Variants in BANK1 observed in about 807,000 individuals in gnomAD.
BANK1 encodes the protein B cell scaffold protein with ankyrin repeats 1, also known as B-cell scaffold protein with ankyrin repeats.
BANK1 carries 95 observed loss-of-function variants against 94.5 expected under a neutral mutation model. The ratio of observed to expected loss-of-function variants is 1.00; its 90% confidence interval spans 0.85 to 1.19. The LOEUF (loss-of-function observed/expected upper bound fraction) is 1.19, where lower values mean the gene tolerates loss of function less well. Among genes scored for constraint, BANK1 ranks in the 50% most tolerant of loss-of-function variants. The pLI is 0.00. For synonymous variants in BANK1, 334 were observed against 308.4 expected (o/e 1.08, Z -0.87); for missense variants, 987 against 932.2 (o/e 1.06, Z -0.77).
chr4:101,794,918 C>T (rs1188093226), intron 1 of BANK1, among the ~76,000 whole-genome samples: 1 of 151,994 alleles, frequency 6.6e-6, no homozygotes, highest in African/African-American at 2.4e-5. Context: ...TGTGTCATAT[C>T]TTTGTTTCTT....
chr4:101,989,822 A>C (rs1560670624), intron 7 of BANK1, among the ~76,000 whole-genome samples: 1 of 152,196 alleles, frequency 6.6e-6, no homozygotes, highest in Admixed American at 6.5e-5. Flanking sequence ...ATCAAGAGAC[A>C]TGATGTTGTT....
rs1233103478 is a variant in BANK1, at chr4:101,830,051, T to G, written c.314T>G (p.Leu105Arg). 4 of 1,613,888 alleles carry G rather than the reference T, an allele frequency of 2.5e-6. No homozygotes were observed. Among genetic ancestry groups the G allele is most frequent in the Admixed American group, 1.7e-5 (1 of 59,992 alleles). ...PKKCQFLEKI[L>R]HSPKSVVTLL... ...AAATGTCAGTTTCTGGAAAAGATAC[T>G]TCATTCACCAAAAAGTGTAGTTACT... The change falls in exon 2 of 17, where the codon CTT (leucine) becomes CGT (arginine). Residue 105 changes from leucine to arginine, a missense_variant. By Grantham distance (102) the Leu-to-Arg change is moderately radical (BLOSUM62 -2). Coordinates refer to ENST00000322953, the MANE Select transcript of BANK1 (RefSeq NM_017935.5).
At chr4:101,878,146 C>G (rs1374709430) in intron 5 of BANK1, among the ~76,000 whole-genome samples, 1 of 151,734 alleles carries the variant, frequency 6.6e-6, no homozygotes, top group Non-Finnish European at 1.5e-5. Context: ...ACTCTTCAAT[C>G]AAAAGACAGA....
intron 7 of BANK1, among the ~76,000 whole-genome samples, chr4:101,941,965 A>C (rs1407988891): frequency 6.6e-6 from 1 of 151,844 alleles, no homozygotes; most frequent in African/African-American, 2.4e-5. Context: ...ATAGAACAGT[A>C]GAGCACATTT....
chr4:101,941,616 ACAT>A (rs982391578), intron 7 of BANK1, among the ~76,000 whole-genome samples: 6 of 151,786 alleles, frequency 4.0e-5, no homozygotes, highest in African/African-American at 1.5e-4. Flanking sequence ...CCAGAGGCTG[ACAT>A]CATTCGTCAG....
intron 1 of BANK1, among the ~76,000 whole-genome samples, chr4:101,809,707 A>G (rs138860752): frequency 2.6e-5 from 4 of 152,368 alleles, no homozygotes; most frequent in Non-Finnish European, 5.9e-5. Context: ...CAATGATCAT[A>G]TAAGCCACTT....
At chr4:101,826,653 C>G (rs553614916) in intron 1 of BANK1, among the ~76,000 whole-genome samples, 5 of 151,794 alleles carry the variant, frequency 3.3e-5, no homozygotes, top group Non-Finnish European at 7.4e-5. Flanking sequence ...ATTTAGCATC[C>G]AGGCTAGATG....
intron 7 of BANK1, among the ~76,000 whole-genome samples, chr4:102,002,280 C>A: frequency 6.6e-6 from 1 of 151,668 alleles, no homozygotes; most frequent in East Asian, 1.9e-4. Context: ...AGAAAGGCTT[C>A]GTTTTTAAAT....
At chr4:101,834,533 G>A (rs913495067) in intron 2 of BANK1, among the ~76,000 whole-genome samples, 2 of 152,146 alleles carry the variant, frequency 1.3e-5, no homozygotes, top group African/African-American at 2.4e-5. Context: ...TCTATTTGCT[G>A]TAGTCTATGC....
chr4:101,929,859 T>TA, intron 7 of BANK1, among the ~76,000 whole-genome samples: 1 of 151,410 alleles, frequency 6.6e-6, no homozygotes, highest in South Asian at 2.1e-4. Context: ...TTTTAATTAG[T>TA]AAAAAAAATT....
At chr4:101,985,956 A>G (rs1053090609) in intron 7 of BANK1, among the ~76,000 whole-genome samples, 2 of 152,170 alleles carry the variant, frequency 1.3e-5, no homozygotes, top group African/African-American at 4.8e-5. Context: ...GATAAAAGAG[A>G]ACTGCATTCC....
chr4:102,030,885 T>G (rs1727283370), intron 10 of BANK1, among the ~76,000 whole-genome samples: 1 of 152,202 alleles, frequency 6.6e-6, no homozygotes, highest in South Asian at 2.1e-4. Context: ...TTATGAATAG[T>G]GCCACAATAA....
chr4:102,055,143 AT>A (rs1448883106), intron 11 of BANK1, among the ~76,000 whole-genome samples: 6 of 152,092 alleles, frequency 3.9e-5, no homozygotes, highest in African/African-American at 1.2e-4. Flanking sequence ...GTTTGTATAC[AT>A]TTTTAACTCA....
chr4:101,855,248 T>C, intron 3 of BANK1, 59 bp downstream of exon 3: 1 of 1,501,462 alleles, frequency 6.7e-7, no homozygotes, highest in South Asian at 1.3e-5. Context: ...GTGGTGGTGG[T>C]TGTTGTTGTT....
At chr4:101,893,702 T>C (rs1721960765) in intron 5 of BANK1, among the ~76,000 whole-genome samples, 1 of 152,064 alleles carries the variant, frequency 6.6e-6, no homozygotes, top group African/African-American at 2.4e-5. Flanking sequence ...GTCATCTTCA[T>C]TTATAGGATA....
Position 102,010,092 on chromosome 4 carries a change from C to CT in BANK1, c.1207-11422_1207-11421insT, listed in dbSNP as rs760346267. On this transcript the variant is annotated intron_variant, in intron 7 of 16. Coordinates refer to ENST00000322953, the MANE Select transcript of BANK1 (RefSeq NM_017935.5). ...CCATCCTGGCTAACACGGTGAAACC[C>CT]GTCTCTACTAAAAATACAAAAAATT... is the stretch of plus-strand genomic sequence containing the variant. Among the ~76,000 whole-genome samples the CT allele has an allele frequency of 5.9e-3, 828 of 140,222 alleles. 9 individuals are homozygous for CT. Among genetic ancestry groups the CT allele is most frequent in the African/African-American group, 0.019 (769 of 40,936 alleles). 92.0% of individuals were successfully genotyped at this position (140,222 alleles called of 152,430 possible). A position where few individuals can be genotyped will look rare whatever the true frequency, so the allele number is the denominator to read the frequency against.
At chr4:102,062,929 A>G (rs1053383396) in intron 12 of BANK1, 146 bp from the exon 13 acceptor site, 41 of 608,232 alleles carry the variant, frequency 6.7e-5, no homozygotes, top group Middle Eastern at 4.4e-4. Flanking sequence ...TAACGTGGAA[A>G]GTATCAAGGA....
Position 102,007,352 on chromosome 4 carries a change from A to G in BANK1, c.1207-14162A>G, listed in dbSNP as rs1409958903. On this transcript the variant is annotated intron_variant, in intron 7 of 16. Transcript: ENST00000322953. ...GTAGGCTTTGTGCTAGAGGAGTTAT[A>G]CTGATTACAAACATTTGTCAAATAG... Among the ~76,000 whole-genome samples the G allele has an allele frequency of 2.6e-5, 4 of 151,048 alleles. No homozygotes were observed. The Admixed American group carries it at 2.7e-4, about 10-fold the overall frequency.
intron 7 of BANK1, among the ~76,000 whole-genome samples, chr4:101,931,705 C>T (rs907204053): frequency 1.8e-4 from 28 of 151,588 alleles, no homozygotes; most frequent in African/African-American, 6.3e-4. Flanking sequence ...ACATTTTCTT[C>T]CCTCAGTCTT....
Sources: allele counts gnomAD v4.1 joint callset (sites outside exome capture counted in the v4.1 genomes callset), GRCh38; gene constraint gnomAD v4.1.1; transcripts MANE v1.5; gene names NCBI Gene and HGNC (gene_info 2026-07-23, HGNC 2026-07-21).